RBM44: variants seen among roughly 807,000 people sequenced by gnomAD.
RBM44 encodes RNA binding motif protein 44.
Under a neutral mutation model 105.1 loss-of-function variants are expected in RBM44, and 66 were observed. The ratio of observed to expected loss-of-function variants is 0.63; its 90% confidence interval spans 0.52 to 0.77. The LOEUF (loss-of-function observed/expected upper bound fraction) is 0.77, where lower values mean the gene tolerates loss of function less well. Ranked by LOEUF, RBM44 falls within the 30% of genes least tolerant of loss-of-function variation. RBM44 has a pLI of 0.00. For synonymous variants in RBM44, 365 were observed against 417.6 expected (o/e 0.87, Z 1.54); for missense variants, 1,122 against 1,207.8 (o/e 0.93, Z 1.05).
rs1379987542 is a variant in RBM44, at chr2:237,821,218, A to C, written c.2061A>C (p.Ser687=). ...LEELPPLSLE[S]KLLSTFSTFA... Reference sequence around the variant, plus strand: ...AGCTGCCCCCACTGTCACTAGAATCAAAATTATTATCTACCTTCTCTACTT... The same window carrying C: ...AGCTGCCCCCACTGTCACTAGAATCCAAATTATTATCTACCTTCTCTACTT... The change falls in exon 6 of 16, where the codon TCA becomes TCC. Residue 687 remains serine, a synonymous_variant. Transcript: ENST00000316997. The C allele has an allele frequency of 6.2e-7, 1 of 1,607,720 alleles. No individual in the cohort carries two copies. The highest frequency in any genetic ancestry group is 8.5e-7 in the Non-Finnish European group (1 of 1,176,966).
rs146068067 is a variant in RBM44 at position 237,805,769 on chromosome 2, C to A, written c.-19+6908C>A. Among the ~76,000 whole-genome samples, 651 of 152,210 alleles carry A rather than the reference C, an allele frequency of 4.3e-3. 1 individual carries two copies. The highest frequency in any genetic ancestry group is 6.9e-3 in the Non-Finnish European group (472 of 68,000). On this transcript the variant is annotated intron_variant, in intron 1 of 15. Transcript: ENST00000316997. ...TGCTTGGGCCCAGGAGTTTGAGACC[C>A]GCCTGGACAACATAGGGAGACCCTG...
chr2:237,800,800 C>T (rs1200182312), intron 1 of RBM44, among the ~76,000 whole-genome samples: 1 of 149,598 alleles, frequency 6.7e-6, no homozygotes, highest in Non-Finnish European at 1.5e-5. Flanking sequence ...GATCTCGGCT[C>T]ACTGCAACCT....
chr2:237,824,201 A>C, intron 9 of RBM44, 90 bp from the exon 10 acceptor site: 1 of 1,249,286 alleles, frequency 8.0e-7, no homozygotes. Flanking sequence ...AGTAGTCATC[A>C]TCGTACTGAT....
intron 10 of RBM44, among the ~76,000 whole-genome samples, chr2:237,825,389 A>G (rs912324317): frequency 1.3e-5 from 2 of 152,134 alleles, no homozygotes; most frequent in Non-Finnish European, 2.9e-5. Context: ...TATCTTTAGT[A>G]GTGACGGGGT....
At chr2:237,801,796 T>C (rs1405119025) in intron 1 of RBM44, among the ~76,000 whole-genome samples, 1 of 152,214 alleles carries the variant, frequency 6.6e-6, no homozygotes, top group Non-Finnish European at 1.5e-5. Flanking sequence ...TCATTTACTT[T>C]TTTGATAAGT....
intron 1 of RBM44, among the ~76,000 whole-genome samples, chr2:237,809,765 G>T (rs1172693885): frequency 6.6e-6 from 1 of 152,100 alleles, no homozygotes; most frequent in Non-Finnish European, 1.5e-5. Flanking sequence ...AGCAATATAT[G>T]TGATTTTAAA....
chr2:237,812,058 G>A (rs1016415847), intron 1 of RBM44, among the ~76,000 whole-genome samples: 25 of 151,852 alleles, frequency 1.6e-4, no homozygotes, highest in African/African-American at 5.8e-4. Context: ...GTCTCACCAC[G>A]TTACCCAGCC....
chr2:237,827,365 A>G (rs1275752359), intron 11 of RBM44, 36 bp downstream of exon 11: 1 of 1,473,106 alleles, frequency 6.8e-7, no homozygotes, highest in Non-Finnish European at 9.3e-7. Flanking sequence ...TTCATTTTCA[A>G]ATTTATTAGT....
chr2:237,825,068 T>C (rs2150984110), intron 10 of RBM44, among the ~76,000 whole-genome samples: 1 of 152,194 alleles, frequency 6.6e-6, no homozygotes, highest in South Asian at 2.1e-4. Context: ...AATTTAAAAA[T>C]ATAGGAAAAT....
In RBM44 at chr2:237,817,262, C is replaced by T; in HGVS notation, c.343C>T (p.Pro115Ser). 1 of 1,607,798 alleles carries T rather than the reference C, an allele frequency of 6.2e-7. No individual in the cohort carries two copies. Among genetic ancestry groups the T allele is most frequent in the Non-Finnish European group, 8.5e-7 (1 of 1,177,120 alleles). ...YAFLNKTYSI[P>S]YSESKLKKES... ...TTTCTTGAATAAAACATATTCTATACCTTATTCAGAGTCAAAACTAAAGAA... is the reference window on the plus strand; with the variant it reads ...TTTCTTGAATAAAACATATTCTATATCTTATTCAGAGTCAAAACTAAAGAA... The change falls in exon 3 of 16, where the codon CCT becomes TCT. Residue 115 changes from proline to serine, a missense_variant. Pro to Ser is a moderately conservative substitution (Grantham distance 74, BLOSUM62 -1). This residue lies in a region of RBM44 where 918 missense variants were observed against 955.3 expected (regional missense o/e 0.96). Transcript: ENST00000316997.
At chr2:237,807,425 C>T (rs13402705) in intron 1 of RBM44, among the ~76,000 whole-genome samples, 3 of 152,040 alleles carry the variant, frequency 2.0e-5, no homozygotes, top group African/African-American at 7.3e-5. Context: ...CTGAGATTAC[C>T]GGCCTGAGCC....
At chr2:237,807,466 A>T (rs1182530545) in intron 1 of RBM44, among the ~76,000 whole-genome samples, 1 of 152,256 alleles carries the variant, frequency 6.6e-6, no homozygotes, top group Non-Finnish European at 1.5e-5. Flanking sequence ...AATATTTTTT[A>T]AAATCTTCTC....
intron 15 of RBM44, among the ~76,000 whole-genome samples, chr2:237,839,866 A>G (rs1031487444): frequency 3.9e-5 from 6 of 152,194 alleles, no homozygotes; most frequent in African/African-American, 2.4e-5. Context: ...GAATGAGAAA[A>G]TATTTATAAA....
chr2:237,806,444 G>A (rs2061600112), intron 1 of RBM44, among the ~76,000 whole-genome samples: 1 of 152,068 alleles, frequency 6.6e-6, no homozygotes, highest in Non-Finnish European at 1.5e-5. Flanking sequence ...AATAGAACCT[G>A]TATGAGAAAA....
At chr2:237,828,546 T>C (rs1220451404) in intron 12 of RBM44, among the ~76,000 whole-genome samples, 2 of 152,124 alleles carry the variant, frequency 1.3e-5, no homozygotes, top group Non-Finnish European at 2.9e-5. Flanking sequence ...AAAGTACAAT[T>C]AAGTGCAAAA....
chr2:237,836,757 C>T (rs958791835), intron 15 of RBM44, among the ~76,000 whole-genome samples: 1 of 143,762 alleles, frequency 7.0e-6, no homozygotes, highest in Non-Finnish European at 1.5e-5. Context: ...TACAGCCTGG[C>T]GACAGAGCGA....
At chr2:237,810,048 A>G (rs2061640999) in intron 1 of RBM44, among the ~76,000 whole-genome samples, 1 of 152,230 alleles carries the variant, frequency 6.6e-6, no homozygotes, top group Non-Finnish European at 1.5e-5. Flanking sequence ...AAGAGGTGAA[A>G]TTATTTTTAA....
intron 1 of RBM44, among the ~76,000 whole-genome samples, chr2:237,808,758 C>T (rs960922820): frequency 1.7e-4 from 26 of 152,108 alleles, no homozygotes; most frequent in African/African-American, 5.6e-4. Flanking sequence ...ATTTTATAAA[C>T]ATTTTCCATA....
chr2:237,803,037 C>A lies in RBM44; in HGVS notation c.-19+4176C>A, dbSNP rs2061561517. On this transcript the variant is annotated intron_variant, in intron 1 of 15. Transcript: ENST00000316997. The surrounding 1 kb of genome is among the most constrained non-coding windows in gnomAD (Gnocchi z 4.2). ...ATCCCAGCACTTTGGGAGGCCGAGG[C>A]GGGTGGATCACTTGAGGTCAGGAGT... 6.6e-6 allele frequency among the ~76,000 whole-genome samples: 1 copy of A among 152,114 alleles called. No homozygotes were observed. Among genetic ancestry groups the A allele is most frequent in the South Asian group, 2.1e-4 (1 of 4,820 alleles).
Sources: allele counts gnomAD v4.1 joint callset (sites outside exome capture counted in the v4.1 genomes callset), GRCh38; gene constraint gnomAD v4.1.1; regional missense constraint gnomAD v4.1.1; non-coding constraint Gnocchi (gnomAD v3.1); transcripts MANE v1.5; gene names NCBI Gene and HGNC (gene_info 2026-07-23, HGNC 2026-07-21).